The following HSF1 variants were observed in gnomAD, a reference collection of about 807,000 sequenced individuals.
The protein encoded by HSF1 is heat shock transcription factor 1.
HSF1 carries 32 observed loss-of-function variants against 51.7 expected under a neutral mutation model. The observed-to-expected ratio is 0.62, with a 90% CI of 0.47 to 0.83. The LOEUF is 0.83. HSF1 is among the 40% of genes least tolerant of loss of function. The pLI is 0.00. For missense variants in HSF1, 727 were observed against 717.0 expected (o/e 1.01, Z -0.16); for synonymous variants, 396 against 309.7 (o/e 1.28, Z -2.92).
chr8:144,292,186 G>C (rs1281913740), intron 1 of HSF1, among the ~76,000 whole-genome samples: 1 of 152,238 alleles, frequency 6.6e-6, no homozygotes, highest in Non-Finnish European at 1.5e-5. Context: ...GGAAGTGTCC[G>C]CGCTTAGGGC....
At chr8:144,298,077 G>A (rs894162475) in intron 1 of HSF1, among the ~76,000 whole-genome samples, 3 of 152,232 alleles carry the variant, frequency 2.0e-5, no homozygotes, top group Non-Finnish European at 2.9e-5. Flanking sequence ...GCAGGTTTTC[G>A]TGATATCCAG....
chr8:144,311,970 T>G lies in HSF1; in HGVS notation c.868T>G (p.Ser290Ala), dbSNP rs201488133. 6.3e-7 allele frequency: 1 copy of G among 1,587,578 alleles called. No homozygotes were observed. Among genetic ancestry groups the G allele is most frequent in the Middle Eastern group, 1.7e-4 (1 of 5,892 alleles). Residue 290 changes from serine (S) to alanine (A), a missense_variant, in exon 9 of 13, where the codon TCC becomes GCC. Coordinates refer to ENST00000528838, the MANE Select transcript of HSF1 (RefSeq NM_005526.4). The part of the protein sequence containing the change: ...PGGSIDERPL[S>A]SSPLVRVKEE... ...GGCCCCCCTCGTGTGCAGGCCCCTA[T>G]CCAGCAGCCCCCTGGTGCGTGTCAA...
intron 9 of HSF1, chr8:144,312,671 C>T: frequency 1.3e-6 from 2 of 1,535,530 alleles, no homozygotes; most frequent in East Asian, 2.4e-5. Context: ...CCGCCTCTTC[C>T]CCTGCCCCTC....
chr8:144,309,565 G>C lies in HSF1; in HGVS notation c.337G>C (p.Glu113Gln). The C allele has an allele frequency of 6.2e-7, 1 of 1,614,022 alleles. No individual in the cohort carries two copies. Among genetic ancestry groups the C allele is most frequent in the Non-Finnish European group, 8.5e-7 (1 of 1,180,012 alleles). Residue 113 changes from glutamate (E) to glutamine (Q), a missense_variant, in exon 3 of 13, where the codon GAG becomes CAG. Around this residue, in one of 2 missense-constraint regions of HSF1, gnomAD observed 257 missense variants for 318.3 expected, o/e 0.81. Coordinates refer to ENST00000528838, the MANE Select transcript of HSF1 (RefSeq NM_005526.4). ...CCTGCGTGGCCAGGAGCAGCTCCTT[G>C]AGAACATCAAGAGGAAAGTGACCAG... is the stretch of plus-strand genomic sequence containing the variant. ...CFLRGQEQLL[E>Q]NIKRKVTSVS...
intron 1 of HSF1, among the ~76,000 whole-genome samples, chr8:144,308,169 AC>A (rs1816345700): frequency 6.6e-6 from 1 of 151,750 alleles, no homozygotes; most frequent in South Asian, 2.1e-4. Flanking sequence ...CTATGCAGAC[AC>A]CCCTCACCCC....
chr8:144,309,938 C>A (rs368935935), intron 4 of HSF1, 42 bp downstream of exon 4: 4 of 1,593,212 alleles, frequency 2.5e-6, no homozygotes, highest in East Asian at 4.5e-5. Flanking sequence ...CGGGTCCTGG[C>A]GCCCACCAAG....
rs556672221 is a variant in HSF1, at chr8:144,314,481, C to G, written c.*151C>G. The G allele has an allele frequency of 3.1e-4, 208 of 664,762 alleles. No homozygotes were observed. The African/African-American group carries it at 3.5e-3, about 11-fold the overall frequency. 41.2% of individuals were successfully genotyped at this position (664,762 alleles called of 1,614,324 possible). The stretch of plus-strand genomic sequence containing the variant: ...ACGGGCTCGGGTCTGGGCAGCACCT[C>G]TGGTCAGGAGGGTCACCCTGGCCTG... On this transcript the variant is annotated 3_prime_UTR_variant, in exon 13 of 13. Coordinates refer to ENST00000528838, the MANE Select transcript of HSF1 (RefSeq NM_005526.4).
At chr8:144,295,348 A>C (rs1554841117) in intron 1 of HSF1, among the ~76,000 whole-genome samples, 2 of 152,278 alleles carry the variant, frequency 1.3e-5, no homozygotes, top group African/African-American at 2.4e-5. Flanking sequence ...AGGAAGTATG[A>C]AAAGTAATCT....
chr8:144,304,333 T>C (rs1816080036), intron 1 of HSF1, among the ~76,000 whole-genome samples: 1 of 152,246 alleles, frequency 6.6e-6, no homozygotes, highest in South Asian at 2.1e-4. Context: ...TTTGAGACTT[T>C]AAGTGGTTTA....
chr8:144,302,020 G>C (rs1815922367), intron 1 of HSF1, among the ~76,000 whole-genome samples: 1 of 151,454 alleles, frequency 6.6e-6, no homozygotes. Flanking sequence ...ACAAAAACTA[G>C]CTGGGCGTGG....
intron 1 of HSF1, among the ~76,000 whole-genome samples, chr8:144,306,302 G>T (rs1554843298): frequency 6.6e-6 from 1 of 151,228 alleles, no homozygotes; most frequent in East Asian, 1.9e-4. Context: ...CCCGTGTATG[G>T]GGTATGGGTC....
chr8:144,311,780 C>A lies in HSF1; in HGVS notation c.804C>A (p.Ile268=), dbSNP rs782491239. 2 of 1,612,572 alleles carry A rather than the reference C, an allele frequency of 1.2e-6. No individual in the cohort carries two copies. Among genetic ancestry groups the A allele is most frequent in the African/African-American group, 1.3e-5 (1 of 74,892 alleles). ...GCTCTGGACCCATCATCTCCGACAT[C>A]ACCGAGCTGGCTCCTGCCAGCCCCA... is the stretch of plus-strand genomic sequence containing the variant. ...VASSGPIISD[I]TELAPASPMA... The change falls in exon 8 of 13, where the codon ATC becomes ATA. Residue 268 remains isoleucine, a synonymous_variant. Coordinates refer to ENST00000528838, the MANE Select transcript of HSF1 (RefSeq NM_005526.4).
In HSF1 at chr8:144,311,241, G is replaced by A. The variant is rs782055289; in HGVS notation, c.556G>A (p.Val186Ile). 1.4e-5 allele frequency: 23 copies of A among 1,613,014 alleles called. No homozygotes were observed. Among genetic ancestry groups the A allele is most frequent in the Non-Finnish European group, 1.7e-5 (20 of 1,179,886 alleles). Residue 186 changes from valine to isoleucine, a missense_variant, in exon 5 of 13, where the codon GTC (valine) becomes ATC (isoleucine). Val to Ile is a conservative substitution (Grantham distance 29). This residue lies in a region of HSF1 where 257 missense variants were observed against 318.3 expected (regional missense o/e 0.81). Coordinates refer to ENST00000528838, the MANE Select transcript of HSF1 (RefSeq NM_005526.4). Reference protein sequence around the residue: ...RQKHAQQQKVVNKLIQFLISL... With the variant: ...RQKHAQQQKVINKLIQFLISL... ...GAAGCATGCCCAGCAACAGAAAGTC[G>A]TCAACAAGGTGGGGGCAGGGCCAGA...
chr8:144,308,506 G>A (rs1476361266), intron 1 of HSF1, among the ~76,000 whole-genome samples: 1 of 152,234 alleles, frequency 6.6e-6, no homozygotes, highest in Non-Finnish European at 1.5e-5. Context: ...TGCTTAAACA[G>A]GTGCTTTGTG....
In HSF1 at chr8:144,314,192, G is replaced by A. The variant is rs782763150; in HGVS notation, c.1452G>A (p.Gly484=). ...FLLDPGSVDT[G]SNDLPVLFEL... ...TGGACCCCGGCTCCGTGGACACCGG[G>A]AGCAACGACCTGCCGGTGCTGTTTG... The change falls in exon 13 of 13, where the codon GGG becomes GGA. Residue 484 remains glycine (G), a synonymous_variant. Transcript: ENST00000528838. The A allele has an allele frequency of 1.9e-6, 3 of 1,549,804 alleles. No homozygotes were observed. The African/African-American group carries it at 4.1e-5, about 21-fold the overall frequency.
chr8:144,296,182 G>A (rs1046607225), intron 1 of HSF1, among the ~76,000 whole-genome samples: 2 of 152,068 alleles, frequency 1.3e-5, no homozygotes, highest in Non-Finnish European at 2.9e-5. Context: ...GGGCCTGAGG[G>A]GTCCCTGAAG....
At chr8:144,309,226 C>T in intron 2 of HSF1, 1 of 667,056 alleles carries the variant, frequency 1.5e-6, no homozygotes, top group Non-Finnish European at 2.5e-6. Context: ...CATGGAAGAA[C>T]CGTGAAGCCG....
In HSF1 at chr8:144,291,969, G is replaced by C. The variant is rs1815118805; in HGVS notation, c.117+95G>C. On this transcript the variant is annotated intron_variant, in intron 1 of 12. Coordinates refer to ENST00000528838, the MANE Select transcript of HSF1 (RefSeq NM_005526.4). The surrounding 1 kb of genome is among the most constrained non-coding windows in gnomAD (Gnocchi z 4.1). ...GAGGGCTGCGGGGAGGGGCCCTGCC[G>C]CACTTCAGCTTACGCGCGGTGAGCC... 5.1e-6 allele frequency: 3 copies of C among 592,448 alleles called. No homozygotes were observed. Among genetic ancestry groups the C allele is most frequent in the Admixed American group, 9.0e-5 (2 of 22,314 alleles). 36.7% of individuals were successfully genotyped at this position (592,448 alleles called of 1,614,324 possible).
chr8:144,313,936 G>A (rs1554845899), intron 11 of HSF1, 25 bp downstream of exon 11: 3 of 1,610,356 alleles, frequency 1.9e-6, no homozygotes, highest in South Asian at 1.1e-5. Context: ...GGGGGGTGAG[G>A]GGGAACGAGA....
Sources: gnomAD v4.1 joint callset for allele counts (sites outside exome capture counted in the v4.1 genomes callset) on GRCh38, gnomAD v4.1.1 for gene constraint, gnomAD v4.1.1 regional missense constraint, Gnocchi (gnomAD v3.1) non-coding constraint, MANE v1.5 for transcripts, NCBI Gene and HGNC (gene_info 2026-07-23, HGNC 2026-07-21) for gene names.